Variants in CXCL12 observed in about 807,000 individuals in gnomAD.
The protein encoded by CXCL12 is stromal cell-derived factor 1.
A neutral mutation model predicts 10.7 loss-of-function variants in CXCL12; 4 were observed. The ratio of observed to expected loss-of-function variants is 0.37; its 90% CI spans 0.18 to 0.86. The LOEUF is 0.86. Among genes scored for constraint, CXCL12 ranks in the 40% least tolerant of loss-of-function variants. The pLI, the probability that CXCL12 is intolerant of heterozygous loss-of-function variation, is 0.43. For missense variants in CXCL12, 122 were observed against 110.4 expected, an observed-to-expected ratio of 1.10 and a Z score of -0.47; for synonymous variants, 54 against 45.4, an observed-to-expected ratio of 1.19 and a Z score of -0.77.
At position 44,378,618 on chromosome 10, in the gene CXCL12, T is replaced by C; in HGVS notation, c.*15A>G. On this transcript the variant is annotated 3_prime_UTR_variant, in exon 3 of 3. Coordinates refer to ENST00000343575, the MANE Select transcript of CXCL12 (RefSeq NM_199168.4). ...TCGAGTGGGTCTAGCGGAAAGTCCT[T>C]TTTGGCTGTTGTGCTTACTTGTTTA... is the stretch of plus-strand genomic sequence containing the variant. The C allele has an allele frequency of 6.2e-7, 1 of 1,614,104 alleles. No homozygotes were observed. The highest frequency in any genetic ancestry group is 1.3e-5 in the African/African-American group (1 of 75,030).
At chr10:44,382,454 G>A (rs1010783497) in intron 1 of CXCL12, among the ~76,000 whole-genome samples, 6 of 152,196 alleles carry the variant, frequency 3.9e-5, no homozygotes, top group African/African-American at 1.4e-4. Context: ...TGGGTTGGGG[G>A]TGGAGCAGGA....
downstream of CXCL12, chr10:44,374,296 G>A (rs1175555986): frequency 8.0e-6 from 3 of 376,884 alleles, no homozygotes; most frequent in South Asian, 4.0e-5. Context: ...AAGCCCTGCT[G>A]CATGTGGAGT....
At chr10:44,373,022 C>A (rs1839352699), downstream of CXCL12, 28 of 1,536,064 alleles carry the variant, frequency 1.8e-5, no homozygotes, top group Non-Finnish European at 2.4e-5. Flanking sequence ...GAATACAAAA[C>A]CCAGGAGCCC....
At chr10:44,379,388 A>G (rs922729459) in intron 2 of CXCL12, among the ~76,000 whole-genome samples, 5 of 152,182 alleles carry the variant, frequency 3.3e-5, no homozygotes, top group African/African-American at 1.2e-4. Flanking sequence ...TCACACTCTT[A>G]AAAGCTTCCC....
chr10:44,381,616 A>T (rs1839633115), intron 1 of CXCL12, among the ~76,000 whole-genome samples: 1 of 152,224 alleles, frequency 6.6e-6, no homozygotes, highest in African/African-American at 2.4e-5. Context: ...TTGCAAAATC[A>T]CCAATTTACA....
chr10:44,379,363 T>G (rs1351560338), intron 2 of CXCL12, among the ~76,000 whole-genome samples: 1 of 152,174 alleles, frequency 6.6e-6, no homozygotes, highest in Admixed American at 6.5e-5. Context: ...TTGGTCTCAT[T>G]TGTTTTTTAA....
intron 1 of CXCL12, among the ~76,000 whole-genome samples, chr10:44,383,279 G>A (rs1461437548): frequency 3.9e-5 from 6 of 152,194 alleles, no homozygotes; most frequent in African/African-American, 1.4e-4. Context: ...AGATCTGCCT[G>A]GAGCCCAGGC....
chr10:44,372,971 C>T, downstream of CXCL12: 1 of 1,535,998 alleles, frequency 6.5e-7, no homozygotes, highest in Non-Finnish European at 8.7e-7. Context: ...ACCATGGGGC[C>T]AGGCTCCCTC....
rs772250471 is a variant in CXCL12 at position 44,377,895 on chromosome 10, C to T, written c.*738G>A. On this transcript the variant is annotated 3_prime_UTR_variant, in exon 3 of 3. Transcript: ENST00000343575. Reference sequence around the variant, plus strand: ...ATCACCCTCTTCCCGGCTGGTGCGGCGCTGATCAGGCTACAGAAATGAGAA... The same window carrying T: ...ATCACCCTCTTCCCGGCTGGTGCGGTGCTGATCAGGCTACAGAAATGAGAA... The T allele has an allele frequency of 1.6e-5, 25 of 1,566,894 alleles. No individual in the cohort carries two copies. Among genetic ancestry groups the T allele is most frequent in the Middle Eastern group, 2.0e-4 (1 of 5,096 alleles).
chr10:44,385,020 G>T lies in CXCL12; in HGVS notation c.-15C>A. 2.1e-6 allele frequency: 3 copies of T among 1,450,686 alleles called. No homozygotes were observed. Among genetic ancestry groups the T allele is most frequent in the Non-Finnish European group, 1.8e-6 (2 of 1,097,038 alleles). The allele number at this position is 1,450,686 out of a possible 1,614,324, so 89.9% of individuals were successfully genotyped here. A position where few individuals can be genotyped will look rare whatever the true frequency, so the allele number is the denominator to read the frequency against. On this transcript the variant is annotated 5_prime_UTR_variant, in exon 1 of 3. Transcript: ENST00000343575. The stretch of plus-strand genomic sequence containing the variant: ...TTGGCGTTCATGGCGCGGGCGGGCG[G>T]GCGGGCGGGCGGACGAGCGCGGGTC...
At chr10:44,383,617 G>GGGC (rs1839704265) in intron 1 of CXCL12, among the ~76,000 whole-genome samples, 1 of 135,540 alleles carries the variant, frequency 7.4e-6, no homozygotes, top group African/African-American at 2.8e-5. Flanking sequence ...TGCGGGGGGG[G>GGGC]GGGGGGGTCA....
chr10:44,378,157 G>T lies in CXCL12; in HGVS notation c.*476C>A, dbSNP rs1839515129. ...TGCTGCGGGAGCCTCAGTGTCTGAA[G>T]AAAGGACACTTTTTCCAGCTCCCTG... On this transcript the variant is annotated 3_prime_UTR_variant, in exon 3 of 3. Transcript: ENST00000343575. 3 of 1,430,114 alleles carry T rather than the reference G, an allele frequency of 2.1e-6. No individual in the cohort carries two copies. In the East Asian group the frequency reaches 8.0e-5, roughly 38 times the overall value. 88.6% of individuals were successfully genotyped at this position (1,430,114 alleles called of 1,614,324 possible). A position where few individuals can be genotyped will look rare whatever the true frequency, so the allele number is the denominator to read the frequency against.
At position 44,378,397 on chromosome 10, in the gene CXCL12, G is replaced by A. The variant is rs1178663861; in HGVS notation, c.*236C>T. 7 of 1,549,560 alleles carry A rather than the reference G, an allele frequency of 4.5e-6. No individual in the cohort carries two copies. The highest frequency in any genetic ancestry group is 6.1e-6 in the Non-Finnish European group (7 of 1,149,670). ...ACCCCAGTAATAAAAGTTCCAACGT[G>A]CACAGGTACAGGGCATGGATGAATA... On this transcript the variant is annotated 3_prime_UTR_variant, in exon 3 of 3. Transcript: ENST00000343575.
At chr10:44,374,966 T>C (rs937718370), downstream of CXCL12, among the ~76,000 whole-genome samples, 3 of 151,976 alleles carry the variant, frequency 2.0e-5, no homozygotes, top group African/African-American at 7.3e-5. Context: ...GGAAGGAGGG[T>C]GCAGGAAAGT....
At chr10:44,372,808 C>T, downstream of CXCL12, 2 of 1,472,830 alleles carry the variant, frequency 1.4e-6, no homozygotes, top group East Asian at 2.5e-5. Context: ...AGAGGCAGAC[C>T]CGGCTCCCAT....
rs753076872 is a variant in CXCL12 at position 44,384,981 on chromosome 10, G to C, written c.25C>G (p.Leu9Val). The C allele has an allele frequency of 1.1e-5, 13 of 1,153,214 alleles. No individual in the cohort carries two copies. The highest frequency in any genetic ancestry group is 1.4e-5 in the Non-Finnish European group (12 of 867,312). The allele number at this position is 1,153,214 out of a possible 1,614,324, so 71.4% of individuals were successfully genotyped here. A position where few individuals can be genotyped will look rare whatever the true frequency, so the allele number is the denominator to read the frequency against. MNAKVVVV[L>V]VLVLTALCLS... ...CAGAGCGCGGTCAGCACGAGGACCA[G>C]CACGACCACGACCTTGGCGTTCATG... The change falls in exon 1 of 3, where the codon CTG (leucine) becomes GTG (valine). Residue 9 changes from leucine to valine, a missense_variant. Coordinates refer to ENST00000343575, the MANE Select transcript of CXCL12 (RefSeq NM_199168.4).
chr10:44,382,808 C>T (rs1483853446), intron 1 of CXCL12, among the ~76,000 whole-genome samples: 1 of 152,194 alleles, frequency 6.6e-6, no homozygotes, highest in Non-Finnish European at 1.5e-5. Context: ...AGTGACAGAG[C>T]CCCCAGGTGT....
intron 1 of CXCL12, among the ~76,000 whole-genome samples, chr10:44,384,170 T>G (rs1337720551): frequency 6.6e-6 from 1 of 152,134 alleles, no homozygotes; most frequent in African/African-American, 2.4e-5. Flanking sequence ...AAAGAGCCTG[T>G]CTGCAGGTGT....
intron 2 of CXCL12, among the ~76,000 whole-genome samples, chr10:44,379,425 G>C (rs1393644186): frequency 6.6e-6 from 1 of 152,194 alleles, no homozygotes; most frequent in Non-Finnish European, 1.5e-5. Flanking sequence ...GGGAAGGCCT[G>C]ATTTCATCTC....
Sources: gnomAD v4.1 joint callset for allele counts (sites outside exome capture counted in the v4.1 genomes callset) on GRCh38, gnomAD v4.1.1 for gene constraint, MANE v1.5 for transcripts, NCBI Gene and HGNC (gene_info 2026-07-23, HGNC 2026-07-21) for gene names.